The following UAP1L1 variants were observed in gnomAD, a reference collection of about 807,000 sequenced individuals.
UAP1L1 encodes UDP-N-acetylhexosamine pyrophosphorylase-like protein 1.
In UAP1L1, 45 loss-of-function variants were observed where a neutral mutation model predicts 45.3. The ratio of observed to expected loss-of-function variants is 0.99; its 90% CI spans 0.78 to 1.27. The LOEUF is 1.27. Among genes scored for constraint, UAP1L1 ranks in the 50% most tolerant of loss-of-function variants. The probability of loss-of-function intolerance (pLI) is 0.00; values close to 1 mark genes in which losing one functional copy is unlikely to be tolerated. For missense variants in UAP1L1, 667 were observed against 694.0 expected (o/e 0.96, Z 0.44); for synonymous variants, 323 against 303.9 (o/e 1.06, Z -0.65).
chr9:137,081,286 A>C (rs1261738507), intron 7 of UAP1L1, among the ~76,000 whole-genome samples: 1 of 147,192 alleles, frequency 6.8e-6, no homozygotes, highest in Non-Finnish European at 1.5e-5. Context: ...TGCAAGCTCC[A>C]CCCTCCCCCG....
At position 137,078,214 on chromosome 9, in the gene UAP1L1, C is replaced by T. The variant is rs1325192512; in HGVS notation, c.454C>T (p.Leu152=). 6.5e-7 allele frequency: 1 copy of T among 1,547,900 alleles called. No homozygotes were observed. Among genetic ancestry groups the T allele is most frequent in the East Asian group, 2.4e-5 (1 of 40,902 alleles). The change falls in exon 2 of 9, where the codon CTG becomes TTG. Residue 152 remains leucine, a synonymous_variant. Transcript: ENST00000409858. ...GGAGCGGATTCGGCGGGTGGAGCAGCTGGCCGGTGAGCGCCACGGGACCCG... is the reference window on the plus strand; with the variant it reads ...GGAGCGGATTCGGCGGGTGGAGCAGTTGGCCGGTGAGCGCCACGGGACCCG... ...QAERIRRVEQ[L]AGERHGTRCT...
In UAP1L1 at chr9:137,078,637, G is replaced by C; in HGVS notation, c.630G>C (p.Lys210Asn). ...RLLPAVTFDG[K>N]VILERKDKVA... is the part of the protein sequence containing the mutation. ...TGCCTGCTGTGACCTTTGATGGCAA[G>C]GTTATCCTGGAGCGGAAAGACAAAG... is the stretch of plus-strand genomic sequence containing the variant. The change falls in exon 3 of 9, where the codon AAG becomes AAC. Residue 210 changes from lysine (K) to asparagine (N), a missense_variant. By Grantham distance (94) the Lys-to-Asn change is moderately conservative. Transcript: ENST00000409858. 2 of 1,612,992 alleles carry C rather than the reference G, an allele frequency of 1.2e-6. No homozygotes were observed. The highest frequency in any genetic ancestry group is 1.7e-6 in the Non-Finnish European group (2 of 1,179,936).
In UAP1L1 at chr9:137,083,340, G is replaced by A. The variant is rs1255432973; in HGVS notation, c.*611G>A. ...CCCACACACCCTGGATGCCCAGCAA[G>A]GCCACAGAAAGAGCCTGATGTCCAT... On this transcript the variant is annotated 3_prime_UTR_variant, in exon 9 of 9. Coordinates refer to ENST00000409858, the MANE Select transcript of UAP1L1 (RefSeq NM_207309.3). The A allele has an allele frequency of 6.6e-6, 1 of 152,608 alleles. No individual in the cohort carries two copies. Among genetic ancestry groups the A allele is most frequent in the African/African-American group, 2.4e-5 (1 of 41,470 alleles). 9.5% of individuals were successfully genotyped at this position (152,608 alleles called of 1,614,324 possible).
Position 137,077,853 on chromosome 9 carries a change from A to G in UAP1L1, c.289+32A>G. On this transcript the variant is annotated intron_variant, in intron 1 of 8. Coordinates refer to ENST00000409858, the MANE Select transcript of UAP1L1 (RefSeq NM_207309.3). The surrounding 1 kb of genome is among the most constrained non-coding windows in gnomAD (Gnocchi z 4.7). Reference sequence around the variant, plus strand: ...GGGGTGGGAGGCCCTGGGGGCCGGCAGGGGGTCGTGCCCACGGAGCGGGTG... The same window carrying G: ...GGGGTGGGAGGCCCTGGGGGCCGGCGGGGGGTCGTGCCCACGGAGCGGGTG... The G allele has an allele frequency of 7.0e-7, 1 of 1,429,112 alleles. No homozygotes were observed. 88.5% of individuals were successfully genotyped at this position (1,429,112 alleles called of 1,614,324 possible). A position where few individuals can be genotyped will look rare whatever the true frequency, so the allele number is the denominator to read the frequency against.
In UAP1L1 at chr9:137,078,978, G is replaced by T. The variant is rs771723554; in HGVS notation, c.673G>T (p.Gly225Cys). 39 of 1,585,406 alleles carry T rather than the reference G, an allele frequency of 2.5e-5. No homozygotes were observed. The South Asian group carries it at 4.1e-4, about 17-fold the overall frequency. The change falls in exon 4 of 9, where the codon GGC becomes TGC. Residue 225 changes from glycine (G) to cysteine (C), a missense_variant and splice_region_variant. By Grantham distance (159) the Gly-to-Cys change is radical (BLOSUM62 -3). Coordinates refer to ENST00000409858, the MANE Select transcript of UAP1L1 (RefSeq NM_207309.3). The stretch of plus-strand genomic sequence containing the variant: ...CCCATTCCCTTCTCCGTCTGCAGAC[G>T]GCAACGGGGGCCTCTACTGCGCGCT... ...RKDKVAMAPD[G>C]NGGLYCALED...
At chr9:137,078,001 G>A in intron 1 of UAP1L1, 49 bp from the exon 2 acceptor site, 1 of 1,540,298 alleles carries the variant, frequency 6.5e-7, no homozygotes, top group African/African-American at 1.4e-5. Flanking sequence ...CCCTAAAGCG[G>A]AAGGGTGGGC....
intron 6 of UAP1L1, 35 bp downstream of exon 6, chr9:137,080,177 C>T (rs1402168641): frequency 1.2e-6 from 2 of 1,610,198 alleles, no homozygotes. Context: ...TCCCCTTCTT[C>T]CTTCTCTCAG....
intron 5 of UAP1L1, chr9:137,079,701 C>T (rs889766934): frequency 9.9e-5 from 58 of 584,312 alleles, no homozygotes; most frequent in Admixed American, 5.9e-4. Flanking sequence ...TCTGCCATCT[C>T]CTCCTTCTGG....
Position 137,080,873 on chromosome 9 carries a change from A to G in UAP1L1, c.1363A>G (p.Ser455Gly). Reference sequence around the variant, plus strand: ...TGGGGCCTGGCTCCCAGAGCTGCCCAGGTGAGTGTGGCCCTGGGGTAGCTA... The same window carrying G: ...TGGGGCCTGGCTCCCAGAGCTGCCCGGGTGAGTGTGGCCCTGGGGTAGCTA... ...AHGAWLPELP[S>G]LPPNGDPPAI... Residue 455 changes from serine (S) to glycine (G), a missense_variant and splice_region_variant, in exon 7 of 9, where the codon AGC becomes GGC. Transcript: ENST00000409858. 6.3e-7 allele frequency: 1 copy of G among 1,586,012 alleles called. No individual in the cohort carries two copies. The highest frequency in any genetic ancestry group is 2.2e-5 in the East Asian group (1 of 44,548).
intron 7 of UAP1L1, among the ~76,000 whole-genome samples, chr9:137,081,241 C>T (rs1030078659): frequency 6.6e-5 from 10 of 151,700 alleles, no homozygotes; most frequent in Non-Finnish European, 1.2e-4. Context: ...GCTCTGTCGC[C>T]CAGGCTGTAG....
Position 137,080,670 on chromosome 9 carries a change from C to G in UAP1L1, c.1179-19C>G, listed in dbSNP as rs377622844. 3.1e-6 allele frequency: 5 copies of G among 1,598,518 alleles called. No homozygotes were observed. The highest frequency in any genetic ancestry group is 1.1e-5 in the South Asian group (1 of 88,654). ...GGCCTCTGTGCTGGGACGTGGGTGA[C>G]TAGCCCTTTCCCCACCAGGAACTTT... is the stretch of plus-strand genomic sequence containing the variant. On this transcript the variant is annotated intron_variant, in intron 6 of 8. Transcript: ENST00000409858.
chr9:137,077,763 G>A lies in UAP1L1; in HGVS notation c.231G>A (p.Glu77=). 2 of 1,279,406 alleles carry A rather than the reference G, an allele frequency of 1.6e-6. No individual in the cohort carries two copies. Among genetic ancestry groups the A allele is most frequent in the East Asian group, 6.4e-5 (2 of 31,276 alleles). 79.3% of individuals were successfully genotyped at this position (1,279,406 alleles called of 1,614,324 possible). The change falls in exon 1 of 9, where the codon GAG becomes GAA. Residue 77 remains glutamate, a synonymous_variant. Transcript: ENST00000409858. The surrounding 1 kb of genome is among the most constrained non-coding windows in gnomAD (Gnocchi z 4.7). The part of the protein sequence containing the change: ...LAARLRPLPP[E]RVGRASRSDP... Reference sequence around the variant, plus strand: ...CGCGCCTGCGGCCCCTGCCCCCAGAGCGCGTGGGCAGGGCCAGCCGCAGCG... The same window carrying A: ...CGCGCCTGCGGCCCCTGCCCCCAGAACGCGTGGGCAGGGCCAGCCGCAGCG...
Position 137,079,540 on chromosome 9 carries a change from G to A in UAP1L1, c.1037+91G>A. 3 of 1,298,344 alleles carry A rather than the reference G, an allele frequency of 2.3e-6. No individual in the cohort carries two copies. The South Asian group carries it at 4.3e-5, about 18-fold the overall frequency. The allele number at this position is 1,298,344 out of a possible 1,614,324, so 80.4% of individuals were successfully genotyped here. On this transcript the variant is annotated intron_variant, in intron 5 of 8. Transcript: ENST00000409858. ...GGTCCCAGTGAGCTGAGTGCCCTGGGCCACAGCGGCTGTGGTCAGGAGTGG... is the reference window on the plus strand; with the variant it reads ...GGTCCCAGTGAGCTGAGTGCCCTGGACCACAGCGGCTGTGGTCAGGAGTGG...
chr9:137,078,370 G>A, intron 2 of UAP1L1, 116 bp downstream of exon 2: 1 of 1,569,116 alleles, frequency 6.4e-7, no homozygotes, highest in South Asian at 1.2e-5. Context: ...CCCAGAACCG[G>A]CCCAAAATGG....
At chr9:137,078,336 A>G (rs754992085) in intron 2 of UAP1L1, 82 bp downstream of exon 2, 5 of 1,530,016 alleles carry the variant, frequency 3.3e-6, no homozygotes, top group Non-Finnish European at 1.8e-6. Flanking sequence ...GCGAGCCCCA[A>G]CCCCGGCACA....
rs1362060111 is a variant in UAP1L1 at position 137,079,099 on chromosome 9, C to G, written c.794C>G (p.Pro265Arg). Residue 265 changes from proline to arginine, a missense_variant, in exon 4 of 9, where the codon CCT becomes CGT. Coordinates refer to ENST00000409858, the MANE Select transcript of UAP1L1 (RefSeq NM_207309.3). Reference protein sequence around the residue: ...VDNILVRLADPVFIGFCVLQG... With the variant: ...VDNILVRLADRVFIGFCVLQG... ...AACATCCTGGTGCGGCTGGCGGACCCTGTCTTCATCGGCTTCTGTGTGTTG... is the reference window on the plus strand; with the variant it reads ...AACATCCTGGTGCGGCTGGCGGACCGTGTCTTCATCGGCTTCTGTGTGTTG... 2.5e-6 allele frequency: 4 copies of G among 1,611,698 alleles called. No individual in the cohort carries two copies. The highest frequency in any genetic ancestry group is 3.4e-6 in the Non-Finnish European group (4 of 1,179,612).
intron 6 of UAP1L1, 168 bp from the exon 7 acceptor site, chr9:137,080,521 C>G: frequency 1.5e-6 from 1 of 683,646 alleles, no homozygotes; most frequent in Non-Finnish European, 2.4e-6. Flanking sequence ...TGGGCCATCC[C>G]TGGCGTCTCA....
rs56395618 is a variant in UAP1L1, at chr9:137,082,435, T to G, written c.1432-202T>G. ...TGTGCGTGACAGGAGGGTCCCCTGC[T>G]GGCCTAGGGTCTTGAGTGTGGTCTT... is the stretch of plus-strand genomic sequence containing the variant. On this transcript the variant is annotated intron_variant, in intron 8 of 8. Transcript: ENST00000409858. This position sits in a 1 kb window ranked among gnomAD's most constrained non-coding sequence, Gnocchi z 5.7. 3,018 of 595,348 alleles carry G rather than the reference T, an allele frequency of 5.1e-3. 66 individuals carry two copies. The highest frequency in any genetic ancestry group is 0.05 in the African/African-American group (2,683 of 53,832). 36.9% of individuals were successfully genotyped at this position (595,348 alleles called of 1,614,324 possible).
Position 137,082,545 on chromosome 9 carries a change from C to A in UAP1L1, c.1432-92C>A. The A allele has an allele frequency of 1.9e-6, 2 of 1,055,060 alleles. No homozygotes were observed. The highest frequency in any genetic ancestry group is 1.4e-5 in the South Asian group (1 of 69,390). 65.4% of individuals were successfully genotyped at this position (1,055,060 alleles called of 1,614,324 possible). A position where few individuals can be genotyped will look rare whatever the true frequency, so the allele number is the denominator to read the frequency against. On this transcript the variant is annotated intron_variant, in intron 8 of 8. Transcript: ENST00000409858. The surrounding 1 kb of genome is among the most constrained non-coding windows in gnomAD (Gnocchi z 5.7). ...CCCTGACTCCAGGCAGACCTGGGATCGCACCTGGGGACTGTGGCTCTTGGT... is the reference window on the plus strand; with the variant it reads ...CCCTGACTCCAGGCAGACCTGGGATAGCACCTGGGGACTGTGGCTCTTGGT...
Sources: allele counts gnomAD v4.1 joint callset (sites outside exome capture counted in the v4.1 genomes callset), GRCh38; gene constraint gnomAD v4.1.1; non-coding constraint Gnocchi (gnomAD v3.1); transcripts MANE v1.5; gene names NCBI Gene and HGNC (gene_info 2026-07-23, HGNC 2026-07-21).